The following SEPTIN14 variants were observed in gnomAD, a reference collection of about 807,000 sequenced individuals.
SEPTIN14 encodes septin 14.
In SEPTIN14, 40 loss-of-function variants were observed where a neutral mutation model predicts 53.6. That is an observed-to-expected ratio of 0.75 (90% CI 0.58 to 0.97). The LOEUF is 0.97. SEPTIN14 is among the 50% of genes least tolerant of loss of function. The probability of loss-of-function intolerance (pLI) is 0.00; values close to 1 mark genes in which losing one functional copy is unlikely to be tolerated. For synonymous variants in SEPTIN14, 138 were observed against 166.8 expected, an observed-to-expected ratio of 0.83 and a Z score of 1.33; for missense variants, 471 against 508.2, an observed-to-expected ratio of 0.93 and a Z score of 0.70.
In SEPTIN14 at chr7:55,858,677, GC is replaced by G. The variant is rs536107018; in HGVS notation, c.54+3265del. Among the ~76,000 whole-genome samples the G allele has an allele frequency of 4.9e-3, 741 of 152,308 alleles. 3 individuals carry two copies. Among genetic ancestry groups the G allele is most frequent in the African/African-American group, 0.017 (709 of 41,552 alleles). ...AAATTAGTCGGGCGTGGTGGCGCAT[GC>G]CTATAATCCCAGCTACTCAGGAGGC... On this transcript the variant is annotated intron_variant, in intron 2 of 9. Coordinates refer to ENST00000388975, the MANE Select transcript of SEPTIN14 (RefSeq NM_207366.3).
chr7:55,811,115 T>A, intron 7 of SEPTIN14: 1 of 474,344 alleles, frequency 2.1e-6, no homozygotes, highest in South Asian at 1.8e-5. Flanking sequence ...TTTGAATAGC[T>A]CCCGCGGTGA....
chr7:55,862,297 A>G (rs963115399), intron 1 of SEPTIN14, among the ~76,000 whole-genome samples: 2 of 152,198 alleles, frequency 1.3e-5, no homozygotes, highest in Non-Finnish European at 2.9e-5. Context: ...GGATAAGAGC[A>G]TTCTTCTTCT....
At position 55,836,487 on chromosome 7, in the gene SEPTIN14, C is replaced by G. The variant is rs1789208394; in HGVS notation, c.559-1901G>C. Reference sequence around the variant, plus strand: ...GGCGCAGTGGCTCACGCCTGTAATCCCAGCACTTTGGGAGGCCAAGACTGG... The same window carrying G: ...GGCGCAGTGGCTCACGCCTGTAATCGCAGCACTTTGGGAGGCCAAGACTGG... On this transcript the variant is annotated intron_variant, in intron 5 of 9. Coordinates refer to ENST00000388975, the MANE Select transcript of SEPTIN14 (RefSeq NM_207366.3). 2.6e-5 allele frequency among the ~76,000 whole-genome samples: 4 copies of G among 152,094 alleles called. No individual in the cohort carries two copies. The South Asian group carries it at 8.3e-4, about 31-fold the overall frequency.
rs76968538 is a variant in SEPTIN14, at chr7:55,800,255, G to A, written c.1120-4163C>T. ...CATGGATGGAACTGGAGGACCTCAC[G>A]TTAAGTGAAATAAGCCAGGCACAGA... On this transcript the variant is annotated intron_variant, in intron 9 of 9. Coordinates refer to ENST00000388975, the MANE Select transcript of SEPTIN14 (RefSeq NM_207366.3). Among the ~76,000 whole-genome samples, 13 of 152,166 alleles carry A rather than the reference G, an allele frequency of 8.5e-5. 1 individual carries two copies. Among genetic ancestry groups the A allele is most frequent in the Admixed American group, 2.6e-4 (4 of 15,268 alleles).
intron 5 of SEPTIN14, among the ~76,000 whole-genome samples, chr7:55,842,598 G>A (rs1789331300): frequency 6.9e-6 from 1 of 144,408 alleles, no homozygotes; most frequent in African/African-American, 2.6e-5. Context: ...GCAAGACCCT[G>A]CCTCAAATAC....
intron 7 of SEPTIN14, among the ~76,000 whole-genome samples, chr7:55,812,127 A>C (rs528394506): frequency 6.6e-6 from 1 of 152,262 alleles, no homozygotes; most frequent in Non-Finnish European, 1.5e-5. Context: ...CAGGTATTTT[A>C]CTTCCTTGTT....
At position 55,818,046 on chromosome 7, in the gene SEPTIN14, G is replaced by A. The variant is rs150937706; in HGVS notation, c.817+1081C>T. ...GATTAATACTGTGACCAAATTTTAT[G>A]TATCAACATATAGTATAGATATATA... On this transcript the variant is annotated intron_variant, in intron 7 of 9. Coordinates refer to ENST00000388975, the MANE Select transcript of SEPTIN14 (RefSeq NM_207366.3). Among the ~76,000 whole-genome samples, 424 of 152,122 alleles carry A rather than the reference G, an allele frequency of 2.8e-3. 5 individuals are homozygous for A. The highest frequency in any genetic ancestry group is 0.01 in the Middle Eastern group (3 of 294).
intron 7 of SEPTIN14, among the ~76,000 whole-genome samples, chr7:55,811,814 GAC>G (rs1306396232): frequency 6.9e-6 from 1 of 144,482 alleles, no homozygotes; most frequent in Non-Finnish European, 1.5e-5. Flanking sequence ...TTTTTTTTGA[GAC>G]AGAGTCTCGC....
intron 9 of SEPTIN14, among the ~76,000 whole-genome samples, chr7:55,799,287 C>T (rs1372906030): frequency 1.3e-5 from 2 of 150,496 alleles, no homozygotes; most frequent in Non-Finnish European, 2.9e-5. Context: ...AAATGGATCA[C>T]TTGAGGTCAG....
chr7:55,795,667 C>T lies in SEPTIN14; in HGVS notation c.*246G>A. 1 of 449,290 alleles carries T rather than the reference C, an allele frequency of 2.2e-6. No individual in the cohort carries two copies. 27.8% of individuals were successfully genotyped at this position (449,290 alleles called of 1,614,324 possible). A position where few individuals can be genotyped will look rare whatever the true frequency, so the allele number is the denominator to read the frequency against. On this transcript the variant is annotated 3_prime_UTR_variant, in exon 10 of 10. Coordinates refer to ENST00000388975, the MANE Select transcript of SEPTIN14 (RefSeq NM_207366.3). ...ATTTTTAGTAGAGGCAGGGTTTCAT[C>T]ATTTTGGTCAGGCTGGTTTTGAACT...
intron 2 of SEPTIN14, among the ~76,000 whole-genome samples, chr7:55,849,060 C>A (rs1789474634): frequency 6.6e-6 from 1 of 152,126 alleles, no homozygotes; most frequent in African/African-American, 2.4e-5. Flanking sequence ...CACGTTGGCT[C>A]ACGCCTGAAA....
At chr7:55,839,391 G>GAAA (rs749527309) in intron 5 of SEPTIN14, among the ~76,000 whole-genome samples, 6 of 82,572 alleles carry the variant, frequency 7.3e-5, no homozygotes, top group African/African-American at 2.2e-4. Flanking sequence ...CTCCGTCTCA[G>GAAA]AAAAAAAAAA....
intron 7 of SEPTIN14, among the ~76,000 whole-genome samples, chr7:55,817,476 A>ATATT (rs1554328559): frequency 1.4e-5 from 2 of 143,784 alleles, no homozygotes; most frequent in Non-Finnish European, 3.0e-5. Context: ...ATATATATAT[A>ATATT]TTTTTTTTTT....
chr7:55,815,510 T>C (rs1231260639), intron 7 of SEPTIN14, among the ~76,000 whole-genome samples: 1 of 152,190 alleles, frequency 6.6e-6, no homozygotes. Context: ...TGTCTTCTTT[T>C]GTCTTATTGA....
At chr7:55,820,657 C>T (rs539891158) in intron 6 of SEPTIN14, among the ~76,000 whole-genome samples, 25 of 152,142 alleles carry the variant, frequency 1.6e-4, no homozygotes, top group African/African-American at 5.5e-4. Context: ...TATCATCTTT[C>T]GGCTGGGCAT....
chr7:55,804,867 C>A (rs1404383161), intron 9 of SEPTIN14, among the ~76,000 whole-genome samples: 1 of 152,096 alleles, frequency 6.6e-6, no homozygotes, highest in Middle Eastern at 3.2e-3. Context: ...TTAATCAAGG[C>A]CAGCATTAGT....
intron 5 of SEPTIN14, among the ~76,000 whole-genome samples, chr7:55,837,792 A>G (rs1412479942): frequency 7.9e-5 from 12 of 152,156 alleles, no homozygotes; most frequent in Admixed American, 2.0e-4. Context: ...CATGTTGGTC[A>G]GGCTGTTCTC....
At chr7:55,837,085 T>A (rs1365617604) in intron 5 of SEPTIN14, among the ~76,000 whole-genome samples, 1 of 151,012 alleles carries the variant, frequency 6.6e-6, no homozygotes, top group African/African-American at 2.4e-5. Context: ...TTTCTATATT[T>A]AAAAAAGAAA....
At position 55,850,132 on chromosome 7, in the gene SEPTIN14, T is replaced by C. The variant is rs144279539; in HGVS notation, c.55-3495A>G. 2.8e-3 allele frequency among the ~76,000 whole-genome samples: 424 copies of C among 151,736 alleles called. 5 individuals are homozygous for C. Among genetic ancestry groups the C allele is most frequent in the Middle Eastern group, 0.01 (3 of 294 alleles). On this transcript the variant is annotated intron_variant, in intron 2 of 9. Coordinates refer to ENST00000388975, the MANE Select transcript of SEPTIN14 (RefSeq NM_207366.3). ...ACTCTCTACAAAACAGAAGAGGGGG[T>C]AGTTTTTTCCAATGTATTTTATGAA...
Sources: allele counts gnomAD v4.1 joint callset (sites outside exome capture counted in the v4.1 genomes callset), GRCh38; gene constraint gnomAD v4.1.1; transcripts MANE v1.5; gene names NCBI Gene and HGNC (gene_info 2026-07-23, HGNC 2026-07-21).